Variants in PDE4B observed in about 807,000 individuals in gnomAD.
PDE4B encodes 3',5'-cyclic-AMP phosphodiesterase 4B.
Under a neutral mutation model 82.2 loss-of-function variants are expected in PDE4B, and 20 were observed. The ratio of observed to expected loss-of-function variants is 0.24; its 90% CI spans 0.17 to 0.35. The LOEUF (loss-of-function observed/expected upper bound fraction) is 0.35, where lower values mean the gene tolerates loss of function less well. Ranked by LOEUF, PDE4B falls within the 10% of genes least tolerant of loss-of-function variation. The pLI is 1.00. For missense variants in PDE4B, 655 were observed against 907.2 expected, an observed-to-expected ratio of 0.72 and a Z score of 3.57; for synonymous variants, 320 against 318.9, an observed-to-expected ratio of 1.00 and a Z score of -0.04.
chr1:66,272,779 CTTT>C (rs869201227), intron 7 of PDE4B, among the ~76,000 whole-genome samples: 1 of 61,658 alleles, frequency 1.6e-5, no homozygotes, highest in Non-Finnish European at 2.8e-5. Context: ...TACTAGAATT[CTTT>C]TTTTTTTTTT....
At chr1:65,847,883 G>C (rs893462460) in intron 1 of PDE4B, among the ~76,000 whole-genome samples, 3 of 152,068 alleles carry the variant, frequency 2.0e-5, no homozygotes, top group Non-Finnish European at 4.4e-5. Context: ...TAAATGAATG[G>C]GGGAGTTAAT....
At chr1:66,217,681 T>C (rs1446768164) in intron 3 of PDE4B, among the ~76,000 whole-genome samples, 1 of 152,178 alleles carries the variant, frequency 6.6e-6, no homozygotes, top group Admixed American at 6.6e-5. Context: ...ATTATTTTTA[T>C]TAGTTTTGTA....
chr1:65,940,305 A>G (rs1023627501), intron 3 of PDE4B, among the ~76,000 whole-genome samples: 1 of 152,028 alleles, frequency 6.6e-6, no homozygotes, highest in Non-Finnish European at 1.5e-5. Context: ...GAGAATGGAA[A>G]GCGCGTGGGG....
intron 7 of PDE4B, among the ~76,000 whole-genome samples, chr1:66,301,786 C>G (rs919384332): frequency 7.9e-5 from 12 of 152,092 alleles, no homozygotes; most frequent in African/African-American, 2.9e-4. Context: ...TCCCAAATGC[C>G]AGGTTATTCT....
chr1:65,824,894 A>G (rs1645997161), intron 1 of PDE4B, among the ~76,000 whole-genome samples: 1 of 152,154 alleles, frequency 6.6e-6, no homozygotes, highest in Non-Finnish European at 1.5e-5. Flanking sequence ...TAGTGATGCT[A>G]CAGATCATCA....
chr1:66,061,891 T>C (rs548395729), intron 3 of PDE4B, among the ~76,000 whole-genome samples: 8 of 152,070 alleles, frequency 5.3e-5, no homozygotes, highest in Admixed American at 1.3e-4. Context: ...ACCTGCACAT[T>C]CTGCACATGT....
chr1:65,845,398 C>A lies in PDE4B; in HGVS notation c.-71+52150C>A, dbSNP rs141439437. On this transcript the variant is annotated intron_variant, in intron 1 of 16. Transcript: ENST00000341517. The stretch of plus-strand genomic sequence containing the variant: ...CTTCTATAGCTTCCTAGCCACTTCT[C>A]AGTTATTAAGACTTAGTCTAGCCCA... Among the ~76,000 whole-genome samples, 544 of 152,254 alleles carry A rather than the reference C, an allele frequency of 3.6e-3. 3 individuals are homozygous for A. The highest frequency in any genetic ancestry group is 0.013 in the African/African-American group (520 of 41,568).
intron 1 of PDE4B, among the ~76,000 whole-genome samples, chr1:65,865,638 G>A (rs535671995): frequency 6.5e-4 from 99 of 152,230 alleles, no homozygotes; most frequent in African/African-American, 2.4e-3. Context: ...GAGGTAGGGA[G>A]GTCCCTGGCT....
chr1:66,258,897 ACT>A (rs942328630), intron 6 of PDE4B, among the ~76,000 whole-genome samples: 8 of 151,966 alleles, frequency 5.3e-5, no homozygotes, highest in Middle Eastern at 3.2e-3. Flanking sequence ...TTGTGAGATG[ACT>A]CTGTATACTC....
chr1:65,850,161 C>T (rs1052956056), intron 1 of PDE4B, among the ~76,000 whole-genome samples: 10 of 133,712 alleles, frequency 7.5e-5, no homozygotes, highest in Non-Finnish European at 6.1e-5. Flanking sequence ...GTTGCCCAGG[C>T]TGGAGTGCAA....
intron 1 of PDE4B, among the ~76,000 whole-genome samples, chr1:65,861,661 T>C (rs1209859574): frequency 6.6e-6 from 1 of 152,246 alleles, no homozygotes; most frequent in African/African-American, 2.4e-5. Context: ...TTCATGATAT[T>C]GATTTTTCCT....
intron 3 of PDE4B, among the ~76,000 whole-genome samples, chr1:66,182,683 C>A (rs535184120): frequency 2.0e-5 from 3 of 152,066 alleles, no homozygotes; most frequent in African/African-American, 7.2e-5. Flanking sequence ...CAGCTGTCTC[C>A]GCTGCTCCAA....
intron 3 of PDE4B, among the ~76,000 whole-genome samples, chr1:65,989,695 T>C (rs1320690934): frequency 6.6e-6 from 1 of 152,144 alleles, no homozygotes; most frequent in Non-Finnish European, 1.5e-5. Flanking sequence ...AGTTCCTTCC[T>C]AGGCACCTGA....
chr1:66,259,198 A>T (rs1243703411), intron 6 of PDE4B, among the ~76,000 whole-genome samples: 1 of 152,194 alleles, frequency 6.6e-6, no homozygotes, highest in Non-Finnish European at 1.5e-5. Flanking sequence ...TATTTAGTAC[A>T]TACCATCCAT....
intron 3 of PDE4B, among the ~76,000 whole-genome samples, chr1:66,151,784 G>A (rs1353013522): frequency 2.0e-5 from 3 of 151,992 alleles, no homozygotes; most frequent in Non-Finnish European, 2.9e-5. Flanking sequence ...CTTTATTTCC[G>A]ATCTTCCAGA....
intron 3 of PDE4B, among the ~76,000 whole-genome samples, chr1:66,067,508 C>G (rs985098745): frequency 1.3e-5 from 2 of 151,944 alleles, no homozygotes; most frequent in Admixed American, 6.6e-5. Flanking sequence ...GTCTGTTCAT[C>G]TCCTTCGCCC....
In PDE4B at chr1:65,905,307, C is replaced by T. The variant is rs74449554; in HGVS notation, c.-70-7938C>T. 1.9e-4 allele frequency among the ~76,000 whole-genome samples: 29 copies of T among 152,128 alleles called. No individual in the cohort carries two copies. In the East Asian group the frequency reaches 4.1e-3, roughly 21 times the overall value. Reference sequence around the variant, plus strand: ...CTGAAGGCTGAAGAATGGGTTAGCCCGGCAAAGTTGAAGACATGTTATAGT... The same window carrying T: ...CTGAAGGCTGAAGAATGGGTTAGCCTGGCAAAGTTGAAGACATGTTATAGT... On this transcript the variant is annotated intron_variant, in intron 1 of 16. Transcript: ENST00000341517.
intron 3 of PDE4B, among the ~76,000 whole-genome samples, chr1:65,982,917 A>G (rs928218259): frequency 6.6e-6 from 1 of 152,198 alleles, no homozygotes; most frequent in Non-Finnish European, 1.5e-5. Flanking sequence ...CACTGGGGCC[A>G]TCGCCTCATT....
chr1:66,328,019 A>G (rs988425278), intron 7 of PDE4B, among the ~76,000 whole-genome samples: 5 of 152,254 alleles, frequency 3.3e-5, no homozygotes, highest in South Asian at 2.1e-4. Flanking sequence ...GGTAAATAAG[A>G]TAATCATCCT....
Sources: allele counts gnomAD v4.1 joint callset (sites outside exome capture counted in the v4.1 genomes callset), GRCh38; gene constraint gnomAD v4.1.1; transcripts MANE v1.5; gene names NCBI Gene and HGNC (gene_info 2026-07-23, HGNC 2026-07-21).